Variants in UQCR11 observed in about 807,000 individuals in gnomAD.
UQCR11 encodes cytochrome b-c1 complex subunit 10.
In UQCR11, 10 loss-of-function variants were observed where a neutral mutation model predicts 7.6. The observed-to-expected ratio is 1.31, with a 90% confidence interval of 0.81 to 2.22. The LOEUF (loss-of-function observed/expected upper bound fraction) is 2.22. UQCR11 is among the 30% of genes most tolerant of loss of function. The pLI is 0.00. For synonymous variants in UQCR11, 34 were observed against 34.9 expected (o/e 0.97, Z 0.09); for missense variants, 86 against 75.1 (o/e 1.15, Z -0.54).
Position 1,598,107 on chromosome 19 carries a change from CATA to C in UQCR11, c.*134_*136del, listed in dbSNP as rs1555701678. On this transcript the variant is annotated 3_prime_UTR_variant, in exon 3 of 3. Coordinates refer to ENST00000591899, the MANE Select transcript of UQCR11 (RefSeq NM_006830.4). ...AAAATATCCAAGCTGTTTTCAGAAA[CATA>C]AGAAGCCTGAAGCTGAGCTGTGGGT... 6.6e-6 allele frequency: 1 copy of C among 152,274 alleles called. No homozygotes were observed. Among genetic ancestry groups the C allele is most frequent in the Non-Finnish European group, 1.5e-5 (1 of 68,068 alleles). The allele number at this position is 152,274 out of a possible 1,614,324, so 9.4% of individuals were successfully genotyped here.
intron 1 of UQCR11, among the ~76,000 whole-genome samples, chr19:1,600,478 G>A (rs1016308639): frequency 2.6e-5 from 4 of 152,158 alleles, no homozygotes; most frequent in African/African-American, 9.7e-5. Context: ...CTCCCAAAGT[G>A]CTGGGATTAC....
chr19:1,603,724 G>T lies in UQCR11; in HGVS notation c.50+1636C>A, dbSNP rs369332797. Among the ~76,000 whole-genome samples the T allele has an allele frequency of 1.6e-4, 24 of 152,324 alleles. No individual in the cohort carries two copies. The East Asian group carries it at 4.6e-3, about 29-fold the overall frequency. The stretch of plus-strand genomic sequence containing the variant: ...GAAGCAGACCTGCTGCACCCGGGAG[G>T]GGCTGCACTGGCTACCATGGGCCAC... On this transcript the variant is annotated intron_variant, in intron 1 of 2. Transcript: ENST00000591899.
chr19:1,605,389 GC>G lies in UQCR11; in HGVS notation c.20del (p.Gly7AlafsTer34). The part of the protein sequence containing the change: MVTRFL[G>X]PRYRELVKNW... Reference sequence around the variant, plus strand: ...TCTTGACCAGCTCCCGGTAGCGTGGGCCCAGGAACCGGGTCACCATCGCGGC... The same window carrying G: ...TCTTGACCAGCTCCCGGTAGCGTGGGCCAGGAACCGGGTCACCATCGCGGC... On this transcript the variant is annotated frameshift_variant, in exon 1 of 3. Coordinates refer to ENST00000591899, the MANE Select transcript of UQCR11 (RefSeq NM_006830.4). LOFTEE classifies it high-confidence loss of function. 6.3e-7 allele frequency: 1 copy of G among 1,577,468 alleles called. No individual in the cohort carries two copies.
chr19:1,599,183 G>C (rs1189732316), intron 2 of UQCR11: 3 of 492,776 alleles, frequency 6.1e-6, no homozygotes, highest in Admixed American at 3.5e-5. Context: ...TCCAGAGGGA[G>C]GGCGAGGCCC....
At chr19:1,605,154 T>C (rs1470140025) in intron 1 of UQCR11, among the ~76,000 whole-genome samples, 2 of 152,172 alleles carry the variant, frequency 1.3e-5, no homozygotes, top group African/African-American at 2.4e-5. Context: ...ATGCTGGGGT[T>C]TGGCCTTGGG....
chr19:1,599,615 T>C, intron 1 of UQCR11, 55 bp from the exon 2 acceptor site: 4 of 1,592,202 alleles, frequency 2.5e-6, no homozygotes, highest in South Asian at 1.1e-5. Flanking sequence ...TCCAAGACCC[T>C]CTCCTGCCCA....
rs893574654 is a variant in UQCR11, at chr19:1,597,995, C to T, written c.*249G>A. 1 of 152,238 alleles carries T rather than the reference C, an allele frequency of 6.6e-6. No homozygotes were observed. Among genetic ancestry groups the T allele is most frequent in the African/African-American group, 2.4e-5 (1 of 41,452 alleles). 9.4% of individuals were successfully genotyped at this position (152,238 alleles called of 1,614,324 possible). On this transcript the variant is annotated 3_prime_UTR_variant, in exon 3 of 3. Transcript: ENST00000591899. ...GACGCCTGGGTCACCTGTGCCACTC[C>T]AGCTACAGTCACAGTAACCAAGCCA...
intron 1 of UQCR11, among the ~76,000 whole-genome samples, chr19:1,601,806 T>G (rs1383038133): frequency 6.6e-6 from 1 of 152,118 alleles, no homozygotes; most frequent in South Asian, 2.1e-4. Context: ...CCATTTCTTA[T>G]GCACACAGCA....
At position 1,605,370 on chromosome 19, in the gene UQCR11, C is replaced by T. The variant is rs769865073; in HGVS notation, c.40G>A (p.Val14Ile). 7.6e-6 allele frequency: 12 copies of T among 1,581,900 alleles called. No individual in the cohort carries two copies. The Admixed American group carries it at 1.4e-4, about 19-fold the overall frequency. ...RFLGPRYRELVKNWVPTAYTW... is the reference protein window; with the variant it reads ...RFLGPRYRELIKNWVPTAYTW... ...GGTCGGCGTCCTCACCAGTTCTTGA[C>T]CAGCTCCCGGTAGCGTGGGCCCAGG... is the stretch of plus-strand genomic sequence containing the variant. Residue 14 changes from valine to isoleucine, a missense_variant, in exon 1 of 3, where the codon GTC becomes ATC. Val to Ile is a conservative substitution (Grantham distance 29). Coordinates refer to ENST00000591899, the MANE Select transcript of UQCR11 (RefSeq NM_006830.4).
At chr19:1,601,639 C>G (rs979811920) in intron 1 of UQCR11, among the ~76,000 whole-genome samples, 1 of 149,884 alleles carries the variant, frequency 6.7e-6, no homozygotes, top group Middle Eastern at 3.4e-3. Context: ...TGAATCCAGC[C>G]AACAACCCCG....
chr19:1,599,581 G>A, intron 1 of UQCR11, 21 bp from the exon 2 acceptor site: 1 of 1,604,484 alleles, frequency 6.2e-7, no homozygotes, highest in South Asian at 1.1e-5. Context: ...AGAGGGGATG[G>A]TCAGGCCTGC....
At chr19:1,602,683 C>CTTG (rs1199745137) in intron 1 of UQCR11, among the ~76,000 whole-genome samples, 1 of 152,092 alleles carries the variant, frequency 6.6e-6, no homozygotes, top group South Asian at 2.1e-4. Context: ...AACTCCTGAC[C>CTTG]TCAAGGGATC....
chr19:1,601,821 A>G (rs2060748032), intron 1 of UQCR11, among the ~76,000 whole-genome samples: 1 of 152,146 alleles, frequency 6.6e-6, no homozygotes, highest in South Asian at 2.1e-4. Context: ...ACAGCACTAG[A>G]TAACAATTGC....
At chr19:1,605,337 G>C (rs2145623406) in intron 1 of UQCR11, 23 bp downstream of exon 1, 3 of 1,561,426 alleles carry the variant, frequency 1.9e-6, no homozygotes, top group Admixed American at 3.8e-5. Flanking sequence ...AGCGCGGATG[G>C]GGCCGCGGGT....
At chr19:1,602,743 C>T (rs932317849) in intron 1 of UQCR11, among the ~76,000 whole-genome samples, 1 of 152,186 alleles carries the variant, frequency 6.6e-6, no homozygotes, top group African/African-American at 2.4e-5. Context: ...TGAGCCACTG[C>T]GCCCAGCCCT....
chr19:1,601,340 C>T (rs1051343687), intron 1 of UQCR11, among the ~76,000 whole-genome samples: 3 of 151,940 alleles, frequency 2.0e-5, no homozygotes, highest in East Asian at 1.9e-4. Context: ...TGGTGGCTCA[C>T]GCCTGTAATC....
At chr19:1,601,253 G>A (rs28442059) in intron 1 of UQCR11, among the ~76,000 whole-genome samples, 9,276 of 151,952 alleles carry the variant, frequency 0.061, 919 homozygotes, top group African/African-American at 0.21. Context: ...GCCATGCTGT[G>A]AGATGCCCTA....
At chr19:1,600,792 T>G (rs1305772910) in intron 1 of UQCR11, among the ~76,000 whole-genome samples, 3 of 152,168 alleles carry the variant, frequency 2.0e-5, no homozygotes, top group African/African-American at 7.2e-5. Context: ...GAGGATCTCT[T>G]GAGCCCAGGA....
chr19:1,598,666 G>A (rs1303233692), intron 2 of UQCR11, among the ~76,000 whole-genome samples: 9 of 152,208 alleles, frequency 5.9e-5, no homozygotes, highest in Admixed American at 1.3e-4. Flanking sequence ...AGCTGAGATC[G>A]CGCCACCGTA....
Sources: gnomAD v4.1 joint callset for allele counts (sites outside exome capture counted in the v4.1 genomes callset) on GRCh38, gnomAD v4.1.1 for gene constraint, MANE v1.5 for transcripts, NCBI Gene and HGNC (gene_info 2026-07-23, HGNC 2026-07-21) for gene names.